Variants in DPYSL3 observed in about 807,000 individuals in gnomAD.
DPYSL3 encodes the protein dihydropyrimidinase like 3, also known as dihydropyrimidinase-related protein 3.
A neutral mutation model predicts 66.1 loss-of-function variants in DPYSL3; 16 were observed. The observed-to-expected ratio is 0.24, with a 90% CI of 0.16 to 0.37. The LOEUF (loss-of-function observed/expected upper bound fraction) is 0.37. DPYSL3 is among the 10% of genes least tolerant of loss of function. The probability of loss-of-function intolerance (pLI) is 1.00; values close to 1 mark genes in which losing one functional copy is unlikely to be tolerated. For synonymous variants in DPYSL3, 338 were observed against 345.1 expected (o/e 0.98, Z 0.23); for missense variants, 738 against 916.2 (o/e 0.81, Z 2.51).
At chr5:147,453,709 C>A in intron 1 of DPYSL3, 1 of 1,327,322 alleles carries the variant, frequency 7.5e-7, no homozygotes, top group Non-Finnish European at 9.7e-7. Flanking sequence ...CTGGCCGCGC[C>A]GCCGCCTCCG....
chr5:147,481,410 T>A (rs1753241821), intron 1 of DPYSL3, among the ~76,000 whole-genome samples: 1 of 152,238 alleles, frequency 6.6e-6, no homozygotes, highest in African/African-American at 2.4e-5. Context: ...TGTTACTATT[T>A]CATGGATGCT....
chr5:147,483,912 G>C (rs1356945097), intron 1 of DPYSL3, among the ~76,000 whole-genome samples: 1 of 152,194 alleles, frequency 6.6e-6, no homozygotes, highest in Non-Finnish European at 1.5e-5. Flanking sequence ...GGCCCAATGA[G>C]CTACATATGT....
At chr5:147,410,994 C>T (rs1309892433) in intron 6 of DPYSL3, among the ~76,000 whole-genome samples, 1 of 152,162 alleles carries the variant, frequency 6.6e-6, no homozygotes, top group African/African-American at 2.4e-5. Context: ...ACTGAGAACG[C>T]AGACTTTGGA....
At chr5:147,495,937 C>T (rs1399214171) in intron 1 of DPYSL3, among the ~76,000 whole-genome samples, 1 of 152,152 alleles carries the variant, frequency 6.6e-6, no homozygotes, top group African/African-American at 2.4e-5. Context: ...GCCCGCATTG[C>T]CAAGTCAATC....
intron 7 of DPYSL3, among the ~76,000 whole-genome samples, chr5:147,407,246 G>C (rs916215408): frequency 1.3e-5 from 2 of 152,174 alleles, no homozygotes; most frequent in Admixed American, 6.5e-5. Flanking sequence ...TTGACAACAT[G>C]ACTATCTTTG....
At chr5:147,409,233 C>T (rs1337913707) in intron 6 of DPYSL3, among the ~76,000 whole-genome samples, 1 of 152,186 alleles carries the variant, frequency 6.6e-6, no homozygotes, top group African/African-American at 2.4e-5. Context: ...GCAATGTTAG[C>T]CCCTGACCTC....
At chr5:147,411,680 T>C (rs1241992198) in intron 6 of DPYSL3, among the ~76,000 whole-genome samples, 1 of 152,172 alleles carries the variant, frequency 6.6e-6, no homozygotes, top group Non-Finnish European at 1.5e-5. Flanking sequence ...AGGAAACTAA[T>C]GGTCCGAGAT....
At chr5:147,408,869 G>C in intron 6 of DPYSL3, 73 bp from the exon 7 acceptor site, 1 of 1,359,938 alleles carries the variant, frequency 7.4e-7, no homozygotes, top group African/African-American at 1.4e-5. Context: ...GGTATGTTCT[G>C]ATCTAAAGAT....
chr5:147,429,499 A>T (rs1752267980), intron 1 of DPYSL3, among the ~76,000 whole-genome samples: 1 of 152,156 alleles, frequency 6.6e-6, no homozygotes, highest in Admixed American at 6.5e-5. Context: ...TGCGTGTATA[A>T]TCTAGCACAC....
At chr5:147,416,038 T>C (rs1010101056) in intron 3 of DPYSL3, among the ~76,000 whole-genome samples, 165 bp from the exon 4 acceptor site, 2 of 152,170 alleles carry the variant, frequency 1.3e-5, no homozygotes, top group Admixed American at 1.3e-4. Flanking sequence ...TGCTGATCAC[T>C]TAAATGTCAC....
At chr5:147,422,506 T>C (rs1396009404) in intron 2 of DPYSL3, among the ~76,000 whole-genome samples, 1 of 152,156 alleles carries the variant, frequency 6.6e-6, no homozygotes, top group East Asian at 1.9e-4. Context: ...ACTGGGTATA[T>C]ACCCAGAGGA....
rs1167197729 is a variant in DPYSL3, at chr5:147,390,985, T to C, written c.*3050A>G. On this transcript the variant is annotated 3_prime_UTR_variant, in exon 14 of 14. Transcript: ENST00000343218. ...ACAGATCACAGGAGATTACTGTCTG[T>C]CCATACCCACCAGACACAGAACTGA... 6.5e-6 allele frequency: 1 copy of C among 152,672 alleles called. No individual in the cohort carries two copies. 9.5% of individuals were successfully genotyped at this position (152,672 alleles called of 1,614,324 possible).
intron 1 of DPYSL3, among the ~76,000 whole-genome samples, chr5:147,451,515 T>C (rs1752728079): frequency 6.6e-6 from 1 of 152,220 alleles, no homozygotes; most frequent in Non-Finnish European, 1.5e-5. Flanking sequence ...AAGTTATCAA[T>C]GCTGAATTTC....
Position 147,418,510 on chromosome 5 carries a change from T to C in DPYSL3, c.592A>G (p.Thr198Ala). ...CCTTGGAAGAAGTCATCTACTGTGG[T>C]CATTCCCTTATATGGCATCTGGAAG... is the stretch of plus-strand genomic sequence containing the variant. ...THFQMPYKGM[T>A]TVDDFFQGTK... The change falls in exon 3 of 14, where the codon ACC becomes GCC. Residue 198 changes from threonine to alanine, a missense_variant. Coordinates refer to ENST00000343218, the MANE Select transcript of DPYSL3 (RefSeq NM_001197294.2). The C allele has an allele frequency of 1.2e-6, 2 of 1,613,670 alleles. No homozygotes were observed. The highest frequency in any genetic ancestry group is 1.7e-6 in the Non-Finnish European group (2 of 1,179,764).
At chr5:147,439,354 T>C (rs1581195143) in intron 1 of DPYSL3, among the ~76,000 whole-genome samples, 3 of 149,426 alleles carry the variant, frequency 2.0e-5, no homozygotes, top group Non-Finnish European at 4.4e-5. Context: ...CCTGAACAGA[T>C]GTGAATAATC....
At chr5:147,438,374 G>A (rs572867094) in intron 1 of DPYSL3, among the ~76,000 whole-genome samples, 23 of 152,272 alleles carry the variant, frequency 1.5e-4, no homozygotes, top group Non-Finnish European at 2.5e-4. Context: ...AAATACAAAC[G>A]AGACACCACT....
Position 147,391,103 on chromosome 5 carries a change from T to A in DPYSL3, c.*2932A>T, listed in dbSNP as rs1231427970. 1 of 152,544 alleles carries A rather than the reference T, an allele frequency of 6.6e-6. No individual in the cohort carries two copies. Among genetic ancestry groups the A allele is most frequent in the Non-Finnish European group, 1.5e-5 (1 of 68,044 alleles). 9.4% of individuals were successfully genotyped at this position (152,544 alleles called of 1,614,324 possible). On this transcript the variant is annotated 3_prime_UTR_variant, in exon 14 of 14. Transcript: ENST00000343218. ...GTGTATCTGGGACTCAAGCTGGAGT[T>A]TTCCAGGGGAGAAAGCCTGGGAAGC...
rs1330883781 is a variant in DPYSL3 at position 147,391,378 on chromosome 5, AC to A, written c.*2656del. ...GGTAACTGATTTAACAATTTCCCAAACACCCTTTCCACTACCCAAGCCCGTG... is the reference window on the plus strand; with the variant it reads ...GGTAACTGATTTAACAATTTCCCAAAACCCTTTCCACTACCCAAGCCCGTG... On this transcript the variant is annotated 3_prime_UTR_variant, in exon 14 of 14. Transcript: ENST00000343218. 1 of 152,612 alleles carries A rather than the reference AC, an allele frequency of 6.6e-6. No individual in the cohort carries two copies. The highest frequency in any genetic ancestry group is 2.4e-5 in the African/African-American group (1 of 41,434). 9.5% of individuals were successfully genotyped at this position (152,612 alleles called of 1,614,324 possible).
chr5:147,401,486 G>A, intron 9 of DPYSL3, 54 bp downstream of exon 9: 1 of 1,542,782 alleles, frequency 6.5e-7, no homozygotes, highest in Non-Finnish European at 8.8e-7. Flanking sequence ...ACCCCCAGCT[G>A]GACTCAAGAG....
Sources: gnomAD v4.1 joint callset for allele counts (sites outside exome capture counted in the v4.1 genomes callset) on GRCh38, gnomAD v4.1.1 for gene constraint, MANE v1.5 for transcripts, NCBI Gene and HGNC (gene_info 2026-07-23, HGNC 2026-07-21) for gene names.